DCAF8: variants seen among roughly 807,000 people sequenced by gnomAD.
The protein encoded by DCAF8 is DDB1- and CUL4-associated factor 8.
DCAF8 carries 20 observed loss-of-function variants against 68.0 expected under a neutral mutation model. That is an observed-to-expected ratio of 0.29 (90% CI 0.21 to 0.43). DCAF8 has a LOEUF of 0.43. Among genes scored for constraint, DCAF8 ranks in the 20% least tolerant of loss-of-function variants. The pLI is 1.00. For synonymous variants in DCAF8, 230 were observed against 276.9 expected, an observed-to-expected ratio of 0.83 and a Z score of 1.68; for missense variants, 460 against 771.0, an observed-to-expected ratio of 0.60 and a Z score of 4.78.
intron 3 of DCAF8, among the ~76,000 whole-genome samples, chr1:160,241,976 C>A (rs925476737): frequency 1.3e-5 from 2 of 152,166 alleles, no homozygotes; most frequent in Non-Finnish European, 2.9e-5. Context: ...GGCGCGGTGG[C>A]TAACACCTGT....
intron 7 of DCAF8, among the ~76,000 whole-genome samples, chr1:160,228,135 C>G (rs1002460491): frequency 2.0e-5 from 3 of 151,290 alleles, no homozygotes; most frequent in Non-Finnish European, 4.4e-5. Context: ...CTATATTGCC[C>G]AAGTTGGCCT....
At chr1:160,249,175 A>G (rs1340236294) in intron 2 of DCAF8, among the ~76,000 whole-genome samples, 1 of 152,100 alleles carries the variant, frequency 6.6e-6, no homozygotes, top group East Asian at 1.9e-4. Context: ...TGGGCAACAG[A>G]GGAGACTCCA....
intron 9 of DCAF8, 53 bp downstream of exon 9, chr1:160,225,009 C>G: frequency 6.4e-7 from 1 of 1,574,274 alleles, no homozygotes; most frequent in South Asian, 1.1e-5. Context: ...GGCTCAGCAG[C>G]TCCCTAGACA....
At chr1:160,239,393 G>T in intron 4 of DCAF8, 2 of 1,410,004 alleles carry the variant, frequency 1.4e-6, no homozygotes, top group South Asian at 3.2e-5. Context: ...GAAGGGCTAG[G>T]ATTTGAACTC....
chr1:160,226,766 A>T (rs939613188), intron 7 of DCAF8, among the ~76,000 whole-genome samples: 3 of 152,038 alleles, frequency 2.0e-5, no homozygotes, highest in Admixed American at 2.0e-4. Flanking sequence ...CTTACTTCCT[A>T]TTCACTTCTC....
chr1:160,243,185 G>C (rs772998859), intron 3 of DCAF8, among the ~76,000 whole-genome samples: 4 of 152,036 alleles, frequency 2.6e-5, no homozygotes, highest in Non-Finnish European at 5.9e-5. Flanking sequence ...TAACCCAGGT[G>C]GTAGTTATAC....
chr1:160,223,800 A>T (rs1221675382), intron 10 of DCAF8, among the ~76,000 whole-genome samples: 4 of 152,192 alleles, frequency 2.6e-5, no homozygotes, highest in African/African-American at 9.7e-5. Context: ...CACGAGGCTG[A>T]AGTGGGAAGA....
chr1:160,240,128 G>A lies in DCAF8; in HGVS notation c.292C>T (p.Arg98Cys), dbSNP rs780736325. The change falls in exon 4 of 14, where the codon CGC becomes TGC. Residue 98 changes from arginine to cysteine, a missense_variant. This residue lies in a region of DCAF8 where 156 missense variants were observed against 181.4 expected (regional missense o/e 0.86). Coordinates refer to ENST00000368074, the MANE Select transcript of DCAF8 (RefSeq NM_015726.4). The stretch of plus-strand genomic sequence containing the variant: ...TCCTCCTCTTCCTCTTCCTCTGAGC[G>A]GTCATGGACTCGATTTTCATCATTA... ...SINDENRVHD[R>C]SEEEEEEEEE... 89 of 1,613,832 alleles carry A rather than the reference G, an allele frequency of 5.5e-5. No individual in the cohort carries two copies. Among genetic ancestry groups the A allele is most frequent in the Middle Eastern group, 4.9e-4 (3 of 6,062 alleles).
At chr1:160,250,464 CAAAAAAAAAAA>C (rs386368471) in intron 2 of DCAF8, among the ~76,000 whole-genome samples, 4 of 66,624 alleles carry the variant, frequency 6.0e-5, no homozygotes, top group East Asian at 4.6e-4. Flanking sequence ...GAAACTGTCT[CAAAAAAAAAAA>C]AAAAAAAAAA....
chr1:160,231,718 G>C (rs576236706), intron 6 of DCAF8, among the ~76,000 whole-genome samples: 6 of 152,180 alleles, frequency 3.9e-5, no homozygotes, highest in African/African-American at 9.7e-5. Flanking sequence ...TTTAGCTGCA[G>C]TCCAACACAG....
At chr1:160,259,579 C>A (rs1412878449) in intron 2 of DCAF8, among the ~76,000 whole-genome samples, 1 of 152,040 alleles carries the variant, frequency 6.6e-6, no homozygotes, top group African/African-American at 2.4e-5. Flanking sequence ...AACTCCCCAG[C>A]CCTGATTCAC....
Position 160,257,764 on chromosome 1 carries a change from T to C in DCAF8, c.-27+3521A>G, listed in dbSNP as rs1571117577. 2.6e-5 allele frequency among the ~76,000 whole-genome samples: 4 copies of C among 152,346 alleles called. No homozygotes were observed. The East Asian group carries it at 7.7e-4, about 29-fold the overall frequency. ...TCTCGCTCTGTTGCCCATACTAAAC[T>C]GCAGAGGCGCAATCTCAGCGCACTG... On this transcript the variant is annotated intron_variant, in intron 2 of 13. Coordinates refer to ENST00000368074, the MANE Select transcript of DCAF8 (RefSeq NM_015726.4).
At chr1:160,252,046 G>C (rs894595877) in intron 2 of DCAF8, among the ~76,000 whole-genome samples, 3 of 152,168 alleles carry the variant, frequency 2.0e-5, no homozygotes, top group Admixed American at 2.0e-4. Flanking sequence ...CAACTGCAGA[G>C]AGACTCTAGC....
At chr1:160,257,756 T>C (rs1373467803) in intron 2 of DCAF8, among the ~76,000 whole-genome samples, 3 of 152,168 alleles carry the variant, frequency 2.0e-5, no homozygotes, top group Non-Finnish European at 4.4e-5. Context: ...CTGTTGCCCA[T>C]ACTAAACTGC....
chr1:160,225,493 T>C lies in DCAF8; in HGVS notation c.1143+98A>G, dbSNP rs573011158. ...AGGATTCAAATCCAGATGACTGACT[T>C]GAAAGTCCAAGCTCTTCCCACCATA... On this transcript the variant is annotated intron_variant, in intron 8 of 13. Coordinates refer to ENST00000368074, the MANE Select transcript of DCAF8 (RefSeq NM_015726.4). 9.5e-6 allele frequency: 9 copies of C among 948,134 alleles called. No homozygotes were observed. In the Admixed American group the frequency reaches 2.1e-4, roughly 22 times the overall value. 58.7% of individuals were successfully genotyped at this position (948,134 alleles called of 1,614,324 possible).
intron 2 of DCAF8, among the ~76,000 whole-genome samples, chr1:160,250,053 C>T (rs913028081): frequency 6.6e-6 from 1 of 152,094 alleles, no homozygotes; most frequent in African/African-American, 2.4e-5. Flanking sequence ...ATGTTCCATG[C>T]GCCAATCACA....
In DCAF8 at chr1:160,217,426, T is replaced by C. The variant is rs963689650; in HGVS notation, c.*166A>G. 2 of 552,272 alleles carry C rather than the reference T, an allele frequency of 3.6e-6. No homozygotes were observed. The highest frequency in any genetic ancestry group is 3.8e-5 in the African/African-American group (2 of 52,538). 34.2% of individuals were successfully genotyped at this position (552,272 alleles called of 1,614,324 possible). A position where few individuals can be genotyped will look rare whatever the true frequency, so the allele number is the denominator to read the frequency against. Reference sequence around the variant, plus strand: ...TCAACTCCCATTCCTAGGTACTCTTTGTTGGTTCACTCCTCTGGTTTGTCC... The same window carrying C: ...TCAACTCCCATTCCTAGGTACTCTTCGTTGGTTCACTCCTCTGGTTTGTCC... On this transcript the variant is annotated 3_prime_UTR_variant, in exon 14 of 14. Transcript: ENST00000368074.
intron 2 of DCAF8, among the ~76,000 whole-genome samples, chr1:160,250,073 C>T (rs901305699): frequency 6.6e-6 from 1 of 152,162 alleles, no homozygotes; most frequent in African/African-American, 2.4e-5. Flanking sequence ...AGTGGTGTTA[C>T]ATAACTATGC....
chr1:160,250,522 A>G (rs917152408), intron 2 of DCAF8, among the ~76,000 whole-genome samples: 2 of 151,826 alleles, frequency 1.3e-5, no homozygotes, highest in Non-Finnish European at 2.9e-5. Flanking sequence ...AAAATCATGC[A>G]AATTGTTAAA....
Sources: allele counts gnomAD v4.1 joint callset (sites outside exome capture counted in the v4.1 genomes callset), GRCh38; gene constraint gnomAD v4.1.1; regional missense constraint gnomAD v4.1.1; transcripts MANE v1.5; gene names NCBI Gene and HGNC (gene_info 2026-07-23, HGNC 2026-07-21).